Variants in LARP4B observed in about 807,000 individuals in gnomAD.
The protein encoded by LARP4B is la-related protein 4B.
Under a neutral mutation model 89.8 loss-of-function variants are expected in LARP4B, and 12 were observed. The observed-to-expected ratio is 0.13, with a 90% confidence interval of 0.09 to 0.22. The LOEUF is 0.22. Among genes scored for constraint, LARP4B ranks in the 10% least tolerant of loss-of-function variants. The pLI, the probability that LARP4B is intolerant of heterozygous loss-of-function variation, is 1.00. For synonymous variants in LARP4B, 367 were observed against 363.3 expected, an observed-to-expected ratio of 1.01 and a Z score of -0.12; for missense variants, 757 against 947.7, an observed-to-expected ratio of 0.80 and a Z score of 2.64.
chr10:922,947 C>T (rs112953706), intron 1 of LARP4B, among the ~76,000 whole-genome samples: 4 of 152,208 alleles, frequency 2.6e-5, no homozygotes, highest in African/African-American at 9.6e-5. Context: ...TGGTGGCACA[C>T]GCCTGCAGTC....
chr10:871,824 A>G (rs1835214398), intron 3 of LARP4B, among the ~76,000 whole-genome samples: 1 of 152,212 alleles, frequency 6.6e-6, no homozygotes, highest in Non-Finnish European at 1.5e-5. Context: ...TTAACGTCCA[A>G]GTAGAAATCA....
At chr10:936,141 C>G (rs1221041821), upstream of LARP4B, among the ~76,000 whole-genome samples, 1 of 152,112 alleles carries the variant, frequency 6.6e-6, no homozygotes, top group Non-Finnish European at 1.5e-5. Context: ...TATTCCTTTG[C>G]CCATTGATTA....
chr10:899,200 T>C (rs1836267351), intron 1 of LARP4B, among the ~76,000 whole-genome samples: 1 of 152,236 alleles, frequency 6.6e-6, no homozygotes, highest in African/African-American at 2.4e-5. Context: ...TTGGATCAAT[T>C]GTATCAGTGA....
At chr10:835,817 C>T (rs1422028115) in intron 8 of LARP4B, among the ~76,000 whole-genome samples, 1 of 152,008 alleles carries the variant, frequency 6.6e-6, no homozygotes, top group Non-Finnish European at 1.5e-5. Context: ...CCTGTAATCC[C>T]AGCTACTCGG....
intron 1 of LARP4B, among the ~76,000 whole-genome samples, chr10:913,532 T>C (rs1027856120): frequency 6.6e-6 from 1 of 152,228 alleles, no homozygotes; most frequent in Non-Finnish European, 1.5e-5. Flanking sequence ...CATCAGCAAA[T>C]ACTCATTCAT....
chr10:952,096 T>A, the LARP4B span, among the ~76,000 whole-genome samples: 2 of 151,414 alleles, frequency 1.3e-5, no homozygotes, highest in Non-Finnish European at 2.9e-5. Flanking sequence ...CCCAGCACTT[T>A]GGGAGGCCAA....
At chr10:909,728 T>C (rs1362090863) in intron 1 of LARP4B, among the ~76,000 whole-genome samples, 3 of 151,766 alleles carry the variant, frequency 2.0e-5, no homozygotes, top group African/African-American at 7.3e-5. Flanking sequence ...GAGGTTGCAG[T>C]GAGCTGAGAT....
chr10:923,465 C>A (rs371742774), intron 1 of LARP4B, among the ~76,000 whole-genome samples: 3 of 151,634 alleles, frequency 2.0e-5, no homozygotes, highest in Admixed American at 6.6e-5. Context: ...TGTGACTGCT[C>A]CCCAACCTGA....
At chr10:968,926 A>T in the LARP4B span, among the ~76,000 whole-genome samples, 1 of 152,240 alleles carries the variant, frequency 6.6e-6, no homozygotes. Flanking sequence ...TTATGATCTT[A>T]TGCTTTATTC....
chr10:980,293 T>C, the LARP4B span, among the ~76,000 whole-genome samples: 1 of 152,212 alleles, frequency 6.6e-6, no homozygotes, highest in South Asian at 2.1e-4. Context: ...CTGGTGGATC[T>C]ACCATTCTGG....
At chr10:898,522 T>G (rs6560857) in intron 1 of LARP4B, among the ~76,000 whole-genome samples, 150,152 of 152,336 alleles carry the variant, frequency 0.99, 74,035 homozygotes, top group Middle Eastern at 1. Context: ...CCTCCCTTTT[T>G]TATGTGTGTC....
chr10:892,614 A>G (rs887267564), intron 1 of LARP4B, among the ~76,000 whole-genome samples: 1 of 151,652 alleles, frequency 6.6e-6, no homozygotes, highest in Non-Finnish European at 1.5e-5. Flanking sequence ...ATCTCAGCTC[A>G]CTGCAAGCTC....
intron 7 of LARP4B, among the ~76,000 whole-genome samples, chr10:839,906 T>G (rs1159200972): frequency 6.6e-6 from 1 of 152,236 alleles, no homozygotes; most frequent in African/African-American, 2.4e-5. Context: ...CTATAACTGC[T>G]AGGTGCATAA....
chr10:944,807 C>G, the LARP4B span, among the ~76,000 whole-genome samples: 3 of 151,654 alleles, frequency 2.0e-5, no homozygotes, highest in Admixed American at 6.5e-5. Context: ...CTAATTAAAT[C>G]CAGTCCCTAA....
At chr10:900,919 C>T (rs1262180165) in intron 1 of LARP4B, among the ~76,000 whole-genome samples, 49 of 101,188 alleles carry the variant, frequency 4.8e-4, no homozygotes, top group Admixed American at 3.4e-3. Context: ...CGCCTGGCCT[C>T]TTTTTTTTTT....
At chr10:905,628 C>A (rs1435070459) in intron 1 of LARP4B, among the ~76,000 whole-genome samples, 1 of 151,854 alleles carries the variant, frequency 6.6e-6, no homozygotes, top group African/African-American at 2.4e-5. Context: ...ACAGCTTATT[C>A]TGTCGCAAAA....
intron 1 of LARP4B, among the ~76,000 whole-genome samples, chr10:912,816 T>C (rs2132025493): frequency 6.6e-6 from 1 of 152,076 alleles, no homozygotes; most frequent in African/African-American, 2.4e-5. Flanking sequence ...AGGCAGAGGT[T>C]GCAGAGGTCA....
chr10:987,970 C>A, the LARP4B span: 2 of 153,140 alleles, frequency 1.3e-5, no homozygotes, highest in Non-Finnish European at 2.9e-5. Flanking sequence ...GCGTCATCTG[C>A]TCCACACCCA....
chr10:888,822 C>G (rs1361303514), intron 1 of LARP4B, among the ~76,000 whole-genome samples: 5 of 152,202 alleles, frequency 3.3e-5, no homozygotes, highest in African/African-American at 1.2e-4. Flanking sequence ...CGCAGTGGCT[C>G]GCGCCTATAA....
Sources: allele counts gnomAD v4.1 joint callset (sites outside exome capture counted in the v4.1 genomes callset), GRCh38; gene constraint gnomAD v4.1.1; transcripts MANE v1.5; gene names NCBI Gene and HGNC (gene_info 2026-07-23, HGNC 2026-07-21).